NRG3: variants seen among roughly 807,000 people sequenced by gnomAD.
The protein encoded by NRG3 is neuregulin 3.
A neutral mutation model predicts 66.9 loss-of-function variants in NRG3; 31 were observed. That is an observed-to-expected ratio of 0.46 (90% CI 0.35 to 0.63). NRG3 has a LOEUF of 0.63. Among genes scored for constraint, NRG3 ranks in the 20% least tolerant of loss-of-function variants. The pLI is 0.00. For synonymous variants in NRG3, 393 were observed against 359.4 expected (o/e 1.09, Z -1.06); for missense variants, 910 against 878.9 (o/e 1.04, Z -0.45).
intron 2 of NRG3, among the ~76,000 whole-genome samples, chr10:82,618,091 C>T (rs2048784973): frequency 6.6e-6 from 1 of 152,168 alleles, no homozygotes; most frequent in African/African-American, 2.4e-5. Flanking sequence ...CAAATTGCTC[C>T]ATTTTCTCTA....
intron 4 of NRG3, among the ~76,000 whole-genome samples, chr10:82,893,975 C>T (rs1843415185): frequency 6.6e-6 from 1 of 152,068 alleles, no homozygotes; most frequent in Non-Finnish European, 1.5e-5. Flanking sequence ...AAATGTTACC[C>T]TATAACAAAA....
At chr10:82,584,905 GA>G (rs2046571473) in intron 2 of NRG3, among the ~76,000 whole-genome samples, 2 of 151,966 alleles carry the variant, frequency 1.3e-5, no homozygotes, top group South Asian at 4.2e-4. Context: ...GAAATCTGGA[GA>G]GTTGGCACAG....
intron 1 of NRG3, among the ~76,000 whole-genome samples, chr10:82,021,114 G>A (rs1258842001): frequency 6.6e-6 from 1 of 152,054 alleles, no homozygotes; most frequent in Admixed American, 6.6e-5. Flanking sequence ...GCTTCCTGCA[G>A]TGTGGAGCTG....
chr10:82,074,996 G>T (rs1021770186), intron 1 of NRG3, among the ~76,000 whole-genome samples: 1 of 151,962 alleles, frequency 6.6e-6, no homozygotes, highest in Non-Finnish European at 1.5e-5. Context: ...TTTTGTGCTC[G>T]GCATCATACT....
chr10:82,915,660 C>T (rs1440566070), intron 4 of NRG3, among the ~76,000 whole-genome samples: 1 of 152,002 alleles, frequency 6.6e-6, no homozygotes, highest in Admixed American at 6.6e-5. Context: ...ACAAAATGTT[C>T]CTAGTGAGAT....
chr10:82,229,255 A>G (rs1308880977), intron 1 of NRG3: 1 of 152,230 alleles, frequency 6.6e-6, no homozygotes, highest in Non-Finnish European at 1.5e-5. Context: ...CAGAATAGAA[A>G]GCAGTTGAAA....
chr10:82,007,642 T>C (rs1337928105), intron 1 of NRG3, among the ~76,000 whole-genome samples: 1 of 152,222 alleles, frequency 6.6e-6, no homozygotes, highest in Non-Finnish European at 1.5e-5. Context: ...ATTATGTGGG[T>C]AAATGTGGAT....
intron 4 of NRG3, among the ~76,000 whole-genome samples, chr10:82,876,635 C>T (rs1047782867): frequency 7.2e-5 from 11 of 152,136 alleles, no homozygotes; most frequent in Non-Finnish European, 1.3e-4. Context: ...ATCTCAACTG[C>T]ACGTGAGTTG....
intron 2 of NRG3, among the ~76,000 whole-genome samples, chr10:82,575,435 C>G (rs2045971882): frequency 6.6e-6 from 1 of 151,596 alleles, no homozygotes; most frequent in Admixed American, 6.6e-5. Flanking sequence ...ATAGGGTGCA[C>G]AAGGCAGAAT....
At chr10:82,897,136 AC>A (rs1591866219) in intron 4 of NRG3, among the ~76,000 whole-genome samples, 1 of 152,220 alleles carries the variant, frequency 6.6e-6, no homozygotes, top group Admixed American at 6.5e-5. Flanking sequence ...TTAAAATGTA[AC>A]TAAATGTACA....
intron 2 of NRG3, among the ~76,000 whole-genome samples, chr10:82,493,016 G>T (rs1843289780): frequency 6.6e-6 from 1 of 152,152 alleles, no homozygotes; most frequent in Non-Finnish European, 1.5e-5. Context: ...CCCTGCTGGG[G>T]CATTGGATTG....
chr10:82,965,242 A>G (rs1284021152), intron 6 of NRG3, among the ~76,000 whole-genome samples: 2 of 152,204 alleles, frequency 1.3e-5, no homozygotes, highest in African/African-American at 4.8e-5. Flanking sequence ...CACACAATAA[A>G]GTCAGGATCT....
chr10:82,054,396 G>A lies in NRG3; in HGVS notation c.823+178233G>A, dbSNP rs1282026153. Among the ~76,000 whole-genome samples the A allele has an allele frequency of 3.9e-5, 6 of 152,150 alleles. No homozygotes were observed. In the South Asian group the frequency reaches 6.2e-4, roughly 16 times the overall value. On this transcript the variant is annotated intron_variant, in intron 1 of 8. Coordinates refer to ENST00000372141, the MANE Select transcript of NRG3 (RefSeq NM_001010848.4). Reference sequence around the variant, plus strand: ...GGTGTGATGGAGGAAAGGAGTCAAGGATGACTCGAAGACTTTGTGCATAAA... The same window carrying A: ...GGTGTGATGGAGGAAAGGAGTCAAGAATGACTCGAAGACTTTGTGCATAAA...
intron 2 of NRG3, among the ~76,000 whole-genome samples, chr10:82,708,917 A>G (rs1231961696): frequency 2.6e-5 from 4 of 151,794 alleles, no homozygotes; most frequent in Non-Finnish European, 4.4e-5. Flanking sequence ...CTTGGTGCTC[A>G]TATATCTTTG....
chr10:82,067,247 A>G (rs1038829293), intron 1 of NRG3, among the ~76,000 whole-genome samples: 8 of 152,214 alleles, frequency 5.3e-5, no homozygotes, highest in Admixed American at 1.3e-4. Flanking sequence ...TTCATGCTTT[A>G]GAAAAACAAG....
At chr10:82,552,299 G>C (rs891351694) in intron 2 of NRG3, among the ~76,000 whole-genome samples, 1 of 152,038 alleles carries the variant, frequency 6.6e-6, no homozygotes, top group African/African-American at 2.4e-5. Flanking sequence ...TCAAGATAAT[G>C]ATTTTTTTCC....
Position 82,689,862 on chromosome 10 carries a change from C to T in NRG3, c.954-48715C>T, listed in dbSNP as rs1234359297. ...ATAGTTTGTAAGACTAAATAGACTT[C>T]GTACATTTTATTTAGTATTTTTTTC... On this transcript the variant is annotated intron_variant, in intron 2 of 8. Transcript: ENST00000372141. Among the ~76,000 whole-genome samples, 4 of 152,076 alleles carry T rather than the reference C, an allele frequency of 2.6e-5. No individual in the cohort carries two copies. In the East Asian group the frequency reaches 5.8e-4, roughly 22 times the overall value.
rs150338323 is a variant in NRG3 at position 81,997,296 on chromosome 10, T to C, written c.823+121133T>C. The stretch of plus-strand genomic sequence containing the variant: ...AGCTAAGTCAAGCCCCTTGCCATTC[T>C]GAGTTATGACTGTGGGATTTCTGCC... On this transcript the variant is annotated intron_variant, in intron 1 of 8. Transcript: ENST00000372141. 2.2e-3 allele frequency among the ~76,000 whole-genome samples: 329 copies of C among 152,332 alleles called. 1 individual carries two copies. The highest frequency in any genetic ancestry group is 0.01 in the Middle Eastern group (3 of 294).
At chr10:82,527,511 C>T (rs552627221) in intron 2 of NRG3, among the ~76,000 whole-genome samples, 2 of 152,184 alleles carry the variant, frequency 1.3e-5, no homozygotes, top group African/African-American at 2.4e-5. Context: ...ATATTTTCCA[C>T]GCTGTTCTCT....
Sources: gnomAD v4.1 joint callset for allele counts (sites outside exome capture counted in the v4.1 genomes callset) on GRCh38, gnomAD v4.1.1 for gene constraint, MANE v1.5 for transcripts, NCBI Gene and HGNC (gene_info 2026-07-23, HGNC 2026-07-21) for gene names.